Variants in ADCY9 observed in about 807,000 individuals in gnomAD.
The protein encoded by ADCY9 is adenylate cyclase type 9.
Under a neutral mutation model 101.5 loss-of-function variants are expected in ADCY9, and 50 were observed. The observed-to-expected ratio is 0.49, with a 90% CI of 0.39 to 0.62. The LOEUF is 0.62. ADCY9 is among the 20% of genes least tolerant of loss of function. The pLI, the probability that ADCY9 is intolerant of heterozygous loss-of-function variation, is 0.00. For missense variants in ADCY9, 1,662 were observed against 1,800.4 expected (o/e 0.92, Z 1.39); for synonymous variants, 905 against 769.3 (o/e 1.18, Z -2.92).
chr16:3,986,469 G>A (rs1195770993), intron 6 of ADCY9, among the ~76,000 whole-genome samples: 1 of 151,956 alleles, frequency 6.6e-6, no homozygotes, highest in Non-Finnish European at 1.5e-5. Context: ...CTTTTTTTGA[G>A]ACGGAGTTTC....
intron 7 of ADCY9, 32 bp from the exon 8 acceptor site, chr16:3,979,307 C>T (rs768492884): frequency 2.1e-5 from 34 of 1,609,102 alleles, no homozygotes; most frequent in Admixed American, 6.7e-5. Context: ...GCAGGAGCGA[C>T]GGGGCCCGGG....
chr16:4,060,195 T>C (rs555396629), intron 2 of ADCY9, among the ~76,000 whole-genome samples: 22 of 152,296 alleles, frequency 1.4e-4, no homozygotes, highest in African/African-American at 2.4e-4. Flanking sequence ...GCAATGCCGG[T>C]TGTGGCAACC....
chr16:4,096,745 T>C (rs1355080027), intron 2 of ADCY9, among the ~76,000 whole-genome samples: 2 of 152,202 alleles, frequency 1.3e-5, no homozygotes, highest in Admixed American at 6.5e-5. Flanking sequence ...GCATTTAATA[T>C]CCATACACAA....
intron 5 of ADCY9, among the ~76,000 whole-genome samples, chr16:3,957,098 T>A (rs141879702): frequency 6.6e-6 from 1 of 152,252 alleles, no homozygotes; most frequent in African/African-American, 2.4e-5. Context: ...ACCCTCCCCC[T>A]CCATCTGGGT....
intron 2 of ADCY9, among the ~76,000 whole-genome samples, chr16:4,078,576 AAAAC>A (rs777901849): frequency 0.062 from 4,872 of 78,114 alleles, 143 homozygotes; most frequent in Non-Finnish European, 0.087. Flanking sequence ...AAAAAAAAAG[AAAAC>A]AAAAACATAA....
chr16:4,050,311 C>T (rs1036984115), intron 2 of ADCY9, among the ~76,000 whole-genome samples: 2 of 152,250 alleles, frequency 1.3e-5, no homozygotes, highest in East Asian at 1.9e-4. Context: ...TGAATGGATA[C>T]ATAGATACGA....
Position 4,027,901 on chromosome 16 carries a change from C to A in ADCY9, c.1694-20343G>T, listed in dbSNP as rs546587805. Among the ~76,000 whole-genome samples the A allele has an allele frequency of 3.9e-3, 588 of 151,142 alleles. 5 individuals are homozygous for A. The highest frequency in any genetic ancestry group is 0.012 in the African/African-American group (484 of 41,236). On this transcript the variant is annotated intron_variant, in intron 2 of 10. Transcript: ENST00000294016. ...TCAAAAAAAAAAAAAAGAAAAAAAA[C>A]CCATCAGATCTCGTGAGACTTATTC... is the stretch of plus-strand genomic sequence containing the variant.
intron 2 of ADCY9, among the ~76,000 whole-genome samples, chr16:4,039,081 AC>A (rs1484726977): frequency 3.3e-5 from 5 of 152,132 alleles, no homozygotes; most frequent in Non-Finnish European, 7.3e-5. Flanking sequence ...CATTACCCTC[AC>A]AGTTAACCCG....
At chr16:4,064,279 G>T (rs2056788360) in intron 2 of ADCY9, among the ~76,000 whole-genome samples, 1 of 152,134 alleles carries the variant, frequency 6.6e-6, no homozygotes, top group Non-Finnish European at 1.5e-5. Flanking sequence ...TTCTTGGATT[G>T]AAGGACTCAG....
chr16:3,984,493 T>C (rs1339722273), intron 6 of ADCY9, among the ~76,000 whole-genome samples: 3 of 152,044 alleles, frequency 2.0e-5, no homozygotes, highest in Non-Finnish European at 2.9e-5. Flanking sequence ...GCGATCTCCA[T>C]TGACGCTCAC....
chr16:3,962,537 G>A (rs2055946394), downstream of ADCY9: 1 of 152,044 alleles, frequency 6.6e-6, no homozygotes, highest in Admixed American at 6.6e-5. Flanking sequence ...TGAAAGAAAG[G>A]CAAACCCACC....
intron 2 of ADCY9, among the ~76,000 whole-genome samples, chr16:4,103,739 G>A (rs771353135): frequency 7.2e-5 from 11 of 152,122 alleles, no homozygotes; most frequent in Non-Finnish European, 1.5e-4. Context: ...GCTGAGGCAG[G>A]AGAATCACTT....
intron 2 of ADCY9, among the ~76,000 whole-genome samples, chr16:4,039,427 C>T (rs1163143710): frequency 6.6e-6 from 1 of 151,964 alleles, no homozygotes; most frequent in Non-Finnish European, 1.5e-5. Context: ...GCCTGTAATC[C>T]CAGCACTTTG....
At chr16:4,075,601 G>A (rs182694283) in intron 2 of ADCY9, among the ~76,000 whole-genome samples, 5 of 152,308 alleles carry the variant, frequency 3.3e-5, no homozygotes, top group East Asian at 1.9e-4. Context: ...AATACTGAGC[G>A]TCTGCTAAAC....
At chr16:3,957,377 C>G (rs73506078) in intron 5 of ADCY9, among the ~76,000 whole-genome samples, 1 of 152,048 alleles carries the variant, frequency 6.6e-6, no homozygotes, top group Non-Finnish European at 1.5e-5. Flanking sequence ...GGCATATTTG[C>G]GTATGTGAAA....
intron 2 of ADCY9, among the ~76,000 whole-genome samples, chr16:4,111,175 T>G (rs910828142): frequency 1.3e-5 from 2 of 152,232 alleles, no homozygotes; most frequent in African/African-American, 4.8e-5. Flanking sequence ...CTTCTCATTC[T>G]ATGGATGCCC....
At chr16:3,977,975 T>G (rs1213283477) in intron 8 of ADCY9, among the ~76,000 whole-genome samples, 2 of 152,152 alleles carry the variant, frequency 1.3e-5, no homozygotes, top group Non-Finnish European at 1.5e-5. Flanking sequence ...CCTCGGCCTC[T>G]CAAAGTGCCT....
intron 2 of ADCY9, among the ~76,000 whole-genome samples, chr16:4,025,781 C>T (rs1351927151): frequency 6.6e-6 from 1 of 152,186 alleles, no homozygotes; most frequent in Non-Finnish European, 1.5e-5. Context: ...AAGAAACCGA[C>T]TCCCAGACTT....
chr16:4,074,369 A>C (rs936087482), intron 2 of ADCY9, among the ~76,000 whole-genome samples: 2 of 151,980 alleles, frequency 1.3e-5, no homozygotes, highest in African/African-American at 2.4e-5. Flanking sequence ...TATATAAGAA[A>C]TAAATCGATA....
Sources: gnomAD v4.1 joint callset for allele counts (sites outside exome capture counted in the v4.1 genomes callset) on GRCh38, gnomAD v4.1.1 for gene constraint, MANE v1.5 for transcripts, NCBI Gene and HGNC (gene_info 2026-07-23, HGNC 2026-07-21) for gene names.